Variants in RAB38 observed in about 807,000 individuals in gnomAD.
RAB38 encodes the protein ras-related protein Rab-38.
In RAB38, 15 loss-of-function variants were observed where a neutral mutation model predicts 18.4. The observed-to-expected ratio is 0.82, with a 90% CI of 0.55 to 1.26. RAB38 has a LOEUF of 1.26. Ranked by LOEUF, RAB38 falls within the 50% of genes most tolerant of loss-of-function variation. RAB38 has a pLI of 0.00. For synonymous variants in RAB38, 101 were observed against 104.4 expected (o/e 0.97, Z 0.20); for missense variants, 294 against 267.4 (o/e 1.10, Z -0.69).
chr11:87,813,234 T>C, the RAB38 span, among the ~76,000 whole-genome samples: 96 of 152,258 alleles, frequency 6.3e-4, 1 homozygote, highest in Non-Finnish European at 2.5e-4. Context: ...TTTCAAGTGA[T>C]GAATTTTGGA....
chr11:88,114,715 G>C (rs996491572), intron 2 of RAB38, among the ~76,000 whole-genome samples: 7 of 152,164 alleles, frequency 4.6e-5, no homozygotes, highest in South Asian at 2.1e-4. Flanking sequence ...TCATATAGGA[G>C]CAATAAGAGC....
chr11:88,038,812 T>G, the RAB38 span, among the ~76,000 whole-genome samples: 10 of 152,210 alleles, frequency 6.6e-5, no homozygotes, highest in Non-Finnish European at 1.2e-4. Flanking sequence ...TTACTTTGAT[T>G]CTCTGCTTTT....
At chr11:88,132,610 A>G (rs1251374131) in intron 2 of RAB38, among the ~76,000 whole-genome samples, 1 of 152,126 alleles carries the variant, frequency 6.6e-6, no homozygotes, top group East Asian at 1.9e-4. Context: ...AGCATGCGCC[A>G]CCATGCCCAG....
chr11:88,027,528 G>T, the RAB38 span, among the ~76,000 whole-genome samples: 1 of 152,190 alleles, frequency 6.6e-6, no homozygotes, highest in African/African-American at 2.4e-5. Context: ...TGAATACTGC[G>T]CTTTTCTGAC....
At chr11:87,941,212 GAGATATATATATAT>G in the RAB38 span, among the ~76,000 whole-genome samples, 16 of 37,802 alleles carry the variant, frequency 4.2e-4, no homozygotes, top group South Asian at 2.4e-3. Context: ...ATAAATATAT[GAGATATATATATAT>G]ATATATATAT....
At chr11:87,891,140 C>T in the RAB38 span, among the ~76,000 whole-genome samples, 1 of 151,718 alleles carries the variant, frequency 6.6e-6, no homozygotes, top group Non-Finnish European at 1.5e-5. Flanking sequence ...CACAGGAATG[C>T]GAAGAGTATT....
At chr11:88,146,628 T>C (rs1422869402) in intron 2 of RAB38, among the ~76,000 whole-genome samples, 1 of 152,216 alleles carries the variant, frequency 6.6e-6, no homozygotes, top group Non-Finnish European at 1.5e-5. Context: ...ATCAGAGATC[T>C]TTAAAAAGAA....
At chr11:88,077,137 T>C in the RAB38 span, among the ~76,000 whole-genome samples, 338 of 146,854 alleles carry the variant, frequency 2.3e-3, 1 homozygote, top group African/African-American at 7.9e-3. Flanking sequence ...ATGAGAGAAA[T>C]TGAAGAGGAC....
chr11:88,117,750 A>C (rs1942575565), intron 2 of RAB38, among the ~76,000 whole-genome samples: 1 of 152,210 alleles, frequency 6.6e-6, no homozygotes, highest in Non-Finnish European at 1.5e-5. Context: ...TTCATGCTTC[A>C]GTTTCCTCAT....
the RAB38 span, among the ~76,000 whole-genome samples, chr11:88,099,515 T>C: frequency 3.9e-4 from 60 of 151,942 alleles, no homozygotes; most frequent in Non-Finnish European, 7.4e-4. Flanking sequence ...CATTCCATTG[T>C]TATCAATTAG....
chr11:87,851,677 C>A, the RAB38 span, among the ~76,000 whole-genome samples: 2 of 152,094 alleles, frequency 1.3e-5, no homozygotes, highest in East Asian at 3.9e-4. Context: ...TTTAAAAACT[C>A]ATATGAGGTT....
the RAB38 span, among the ~76,000 whole-genome samples, chr11:87,955,952 T>A: frequency 6.6e-6 from 1 of 151,800 alleles, no homozygotes; most frequent in South Asian, 2.1e-4. Flanking sequence ...ACAAGACATG[T>A]CAAAAGAGAA....
At chr11:87,948,564 C>A in the RAB38 span, among the ~76,000 whole-genome samples, 1 of 151,932 alleles carries the variant, frequency 6.6e-6, no homozygotes, top group Non-Finnish European at 1.5e-5. Flanking sequence ...TTTTGAGATA[C>A]GTCCCATCAA....
At chr11:88,070,144 G>A in the RAB38 span, among the ~76,000 whole-genome samples, 2 of 152,146 alleles carry the variant, frequency 1.3e-5, no homozygotes, top group African/African-American at 4.8e-5. Flanking sequence ...ACTGCTTTAT[G>A]AGCTGTAACA....
the RAB38 span, among the ~76,000 whole-genome samples, chr11:87,812,726 T>C: frequency 6.6e-6 from 1 of 152,214 alleles, no homozygotes; most frequent in Non-Finnish European, 1.5e-5. Flanking sequence ...TTGGCTTTTG[T>C]GTAAAACGCC....
the RAB38 span, among the ~76,000 whole-genome samples, chr11:87,931,197 C>T: frequency 6.6e-6 from 1 of 152,056 alleles, no homozygotes; most frequent in African/African-American, 2.4e-5. Flanking sequence ...TACCCATGAG[C>T]ATGGAATGTT....
chr11:87,909,429 C>G, the RAB38 span, among the ~76,000 whole-genome samples: 7,634 of 152,032 alleles, frequency 0.05, 365 homozygotes, highest in Admixed American at 0.16. Context: ...AGGTGGAGCC[C>G]CAGAATATTC....
intron 2 of RAB38, among the ~76,000 whole-genome samples, chr11:88,118,149 A>G (rs1038707824): frequency 1.3e-5 from 2 of 152,206 alleles, no homozygotes; most frequent in East Asian, 1.9e-4. Context: ...CTCCCCCCCA[A>G]ATATATCCCA....
At chr11:88,009,648 A>T in the RAB38 span, among the ~76,000 whole-genome samples, 3 of 152,192 alleles carry the variant, frequency 2.0e-5, no homozygotes, top group African/African-American at 7.2e-5. Flanking sequence ...GGAAAAATTA[A>T]TAAAGGAGAT....
Sources: gnomAD v4.1 joint callset for allele counts (sites outside exome capture counted in the v4.1 genomes callset) on GRCh38, gnomAD v4.1.1 for gene constraint, MANE v1.5 for transcripts, NCBI Gene and HGNC (gene_info 2026-07-23, HGNC 2026-07-21) for gene names.